The following COL11A1 variants were observed in gnomAD, a reference collection of about 807,000 sequenced individuals.
The protein encoded by COL11A1 is collagen alpha-1(XI) chain.
Under a neutral mutation model 265.2 loss-of-function variants are expected in COL11A1, and 74 were observed. The observed-to-expected ratio is 0.28, with a 90% confidence interval of 0.23 to 0.34. The LOEUF (loss-of-function observed/expected upper bound fraction) is 0.34, where lower values mean the gene tolerates loss of function less well. Ranked by LOEUF, COL11A1 falls within the 10% of genes least tolerant of loss-of-function variation. The pLI, the probability that COL11A1 is intolerant of heterozygous loss-of-function variation, is 1.00. For missense variants in COL11A1, 2,165 were observed against 2,263.6 expected (o/e 0.96, Z 0.88); for synonymous variants, 816 against 727.6 (o/e 1.12, Z -1.96).
At chr1:103,008,658 A>C in intron 14 of COL11A1, 142 bp from the exon 15 acceptor site, 1 of 774,872 alleles carries the variant, frequency 1.3e-6, no homozygotes, top group Non-Finnish European at 2.2e-6. Flanking sequence ...TAACACAGTA[A>C]AATTTTCCAG....
chr1:102,877,801 G>C lies in COL11A1; in HGVS notation c.*218C>G. On this transcript the variant is annotated 3_prime_UTR_variant, in exon 67 of 67. Transcript: ENST00000370096. ...GAATTGGGAATCAAGAATCAGCCCTGTTTCCATCTTAGCCACACCAACTTA... is the reference window on the plus strand; with the variant it reads ...GAATTGGGAATCAAGAATCAGCCCTCTTTCCATCTTAGCCACACCAACTTA... 2.0e-6 allele frequency: 1 copy of C among 491,848 alleles called. No homozygotes were observed. The highest frequency in any genetic ancestry group is 3.7e-6 in the Non-Finnish European group (1 of 273,194). The allele number at this position is 491,848 out of a possible 1,614,324, so 30.5% of individuals were successfully genotyped here. A position where few individuals can be genotyped will look rare whatever the true frequency, so the allele number is the denominator to read the frequency against.
intron 4 of COL11A1, among the ~76,000 whole-genome samples, chr1:103,073,838 CA>C (rs1020650979): frequency 6.6e-6 from 1 of 150,894 alleles, no homozygotes; most frequent in African/African-American, 2.4e-5. Context: ...AGTCACACAT[CA>C]AAAAATATAG....
rs965466884 is a variant in COL11A1 at position 102,905,981 on chromosome 1, G to A, written c.4086+6178C>T. Among the ~76,000 whole-genome samples, 8 of 151,828 alleles carry A rather than the reference G, an allele frequency of 5.3e-5. 1 individual carries two copies. Among genetic ancestry groups the A allele is most frequent in the African/African-American group, 1.9e-4 (8 of 41,378 alleles). On this transcript the variant is annotated intron_variant, in intron 54 of 66. Transcript: ENST00000370096. ...AGCTATCATTTCATGTATACAACTA[G>A]GATATTGGAAGAAAATATTTTACTC...
At chr1:103,064,219 T>G (rs1333224373) in intron 4 of COL11A1, among the ~76,000 whole-genome samples, 1 of 152,170 alleles carries the variant, frequency 6.6e-6, no homozygotes, top group Non-Finnish European at 1.5e-5. Context: ...CCAAATGATT[T>G]GAAAATTTAT....
At chr1:103,008,683 T>C (rs573266640) in intron 14 of COL11A1, among the ~76,000 whole-genome samples, 167 bp from the exon 15 acceptor site, 1 of 152,230 alleles carries the variant, frequency 6.6e-6, no homozygotes, top group Non-Finnish European at 1.5e-5. Flanking sequence ...TGCATTGAAA[T>C]ATATCTCTTC....
intron 41 of COL11A1, among the ~76,000 whole-genome samples, chr1:102,948,031 T>C (rs1479814993): frequency 4.0e-5 from 6 of 151,876 alleles, no homozygotes; most frequent in Non-Finnish European, 2.9e-5. Flanking sequence ...TTATAAAAGC[T>C]GGAAAATATA....
rs1429243291 is a variant in COL11A1 at position 103,021,759 on chromosome 1, T to C, written c.1256A>G (p.His419Arg). Residue 419 changes from histidine to arginine, a missense_variant, in exon 9 of 67, where the codon CAT becomes CGT. By Grantham distance (29) the His-to-Arg change is conservative. Coordinates refer to ENST00000370096, the MANE Select transcript of COL11A1 (RefSeq NM_001854.4). ...CTGTCCTTTCTCTCCATATGCACCA[T>C]GGCCATTTATCTGTTGAATGAAATA... ...TDITETSING[H>R]GAYGEKGQKG... 2.5e-6 allele frequency: 4 copies of C among 1,610,448 alleles called. No individual in the cohort carries two copies. Among genetic ancestry groups the C allele is most frequent in the Non-Finnish European group, 3.4e-6 (4 of 1,176,760 alleles).
At chr1:103,093,811 T>C (rs939177991) in intron 1 of COL11A1, among the ~76,000 whole-genome samples, 2 of 152,134 alleles carry the variant, frequency 1.3e-5, no homozygotes, top group African/African-American at 4.8e-5. Context: ...GTTCAAGTGG[T>C]CTACTTGTCC....
intron 48 of COL11A1, 147 bp downstream of exon 48, chr1:102,921,371 G>T: frequency 1.7e-6 from 1 of 603,184 alleles, no homozygotes; most frequent in East Asian, 2.8e-5. Context: ...GTATAATAAA[G>T]TGGAGTGAAT....
chr1:102,929,352 C>T lies in COL11A1; in HGVS notation c.3600+5097G>A, dbSNP rs527855212. On this transcript the variant is annotated intron_variant, in intron 46 of 66. Coordinates refer to ENST00000370096, the MANE Select transcript of COL11A1 (RefSeq NM_001854.4). ...AGCACCATTTATTAAATAGGGAATC[C>T]TTTCCCCATTGTTTGTTTTTCTCAG... is the stretch of plus-strand genomic sequence containing the variant. Among the ~76,000 whole-genome samples, 13 of 152,184 alleles carry T rather than the reference C, an allele frequency of 8.5e-5. No homozygotes were observed. The South Asian group carries it at 2.7e-3, about 32-fold the overall frequency.
At chr1:102,940,473 TG>T in intron 42 of COL11A1, 39 bp from the exon 43 acceptor site, 1 of 1,440,396 alleles carries the variant, frequency 6.9e-7, no homozygotes, top group Non-Finnish European at 9.8e-7. Flanking sequence ...TTTACAGTTT[TG>T]AAGTGCAGCT....
In COL11A1 at chr1:102,879,929, G is replaced by A; in HGVS notation, c.5041-13C>T. On this transcript the variant is annotated splice_polypyrimidine_tract_variant and intron_variant, in intron 65 of 66. Coordinates refer to ENST00000370096, the MANE Select transcript of COL11A1 (RefSeq NM_001854.4). ...CTAAGTATGAAAGCTAGGAATAAAG[G>A]AATAAAAAGACACCTAATGACTCTT... 1 of 1,535,224 alleles carries A rather than the reference G, an allele frequency of 6.5e-7. No homozygotes were observed. The highest frequency in any genetic ancestry group is 9.0e-7 in the Non-Finnish European group (1 of 1,108,688).
At chr1:103,047,481 T>C (rs1008904652) in intron 4 of COL11A1, among the ~76,000 whole-genome samples, 6 of 152,354 alleles carry the variant, frequency 3.9e-5, no homozygotes, top group African/African-American at 1.4e-4. Flanking sequence ...TGAGGTTGCT[T>C]ATCAGCTTAA....
chr1:103,042,707 C>T (rs1229239565), intron 4 of COL11A1, among the ~76,000 whole-genome samples: 1 of 152,042 alleles, frequency 6.6e-6, no homozygotes, highest in Non-Finnish European at 1.5e-5. Flanking sequence ...CAGCTCCTCA[C>T]TGAGCACTGT....
chr1:102,914,528 C>A, intron 51 of COL11A1, 123 bp from the exon 52 acceptor site: 1 of 1,088,306 alleles, frequency 9.2e-7, no homozygotes, highest in East Asian at 2.6e-5. Context: ...TCTCTTCTCC[C>A]GCCAAAAAAT....
Position 103,006,321 on chromosome 1 carries a change from T to A in COL11A1, c.1684-6A>T. ...CCCTGGACGCCTCGAGGGCCCTATA[T>A]CAAGACATCATAATTAAACCATATT... On this transcript the variant is annotated splice_polypyrimidine_tract_variant and splice_region_variant and intron_variant, in intron 15 of 66. Coordinates refer to ENST00000370096, the MANE Select transcript of COL11A1 (RefSeq NM_001854.4). 6.2e-7 allele frequency: 1 copy of A among 1,605,788 alleles called. No homozygotes were observed. Among genetic ancestry groups the A allele is most frequent in the Non-Finnish European group, 8.5e-7 (1 of 1,175,322 alleles).
intron 4 of COL11A1, 111 bp from the exon 5 acceptor site, chr1:103,031,355 A>G: frequency 7.8e-7 from 1 of 1,287,104 alleles, no homozygotes; most frequent in East Asian, 2.6e-5. Flanking sequence ...GAAGAAGAAA[A>G]ATGACCTACT....
Position 103,021,782 on chromosome 1 carries a change from A to G in COL11A1, c.1246-13T>C, listed in dbSNP as rs778362335. On this transcript the variant is annotated splice_polypyrimidine_tract_variant and intron_variant, in intron 8 of 66. Coordinates refer to ENST00000370096, the MANE Select transcript of COL11A1 (RefSeq NM_001854.4). Reference sequence around the variant, plus strand: ...CATGGCCATTTATCTGTTGAATGAAATATTCAAAACAGCCTAAATGTCTGT... The same window carrying G: ...CATGGCCATTTATCTGTTGAATGAAGTATTCAAAACAGCCTAAATGTCTGT... 1.8e-5 allele frequency: 28 copies of G among 1,584,560 alleles called. No homozygotes were observed. The South Asian group carries it at 2.1e-4, about 12-fold the overall frequency.
chr1:102,879,412 A>G (rs1649949245), intron 66 of COL11A1, among the ~76,000 whole-genome samples: 1 of 152,192 alleles, frequency 6.6e-6, no homozygotes, highest in Admixed American at 6.5e-5. Flanking sequence ...TAGCTGTGAT[A>G]TGATTCAAAT....
Sources: gnomAD v4.1 joint callset for allele counts (sites outside exome capture counted in the v4.1 genomes callset) on GRCh38, gnomAD v4.1.1 for gene constraint, MANE v1.5 for transcripts, NCBI Gene and HGNC (gene_info 2026-07-23, HGNC 2026-07-21) for gene names.